Variants in NUP35 observed in about 807,000 individuals in gnomAD.
The protein encoded by NUP35 is nucleoporin NUP35.
A neutral mutation model predicts 41.5 loss-of-function variants in NUP35; 25 were observed. The ratio of observed to expected loss-of-function variants is 0.60; its 90% CI spans 0.44 to 0.84. NUP35 has a LOEUF of 0.84. Among genes scored for constraint, NUP35 ranks in the 40% least tolerant of loss-of-function variants. The pLI is 0.00. For synonymous variants in NUP35, 149 were observed against 130.7 expected, an observed-to-expected ratio of 1.14 and a Z score of -0.96; for missense variants, 396 against 396.6, an observed-to-expected ratio of 1.00 and a Z score of 0.01.
intron 1 of NUP35, among the ~76,000 whole-genome samples, chr2:183,126,007 T>C (rs1312282345): frequency 6.6e-6 from 1 of 152,174 alleles, no homozygotes; most frequent in African/African-American, 2.4e-5. Context: ...TCTGGTGCTT[T>C]CTTTTTTCTT....
At chr2:183,124,889 G>A (rs1364974085) in intron 1 of NUP35, among the ~76,000 whole-genome samples, 2 of 152,206 alleles carry the variant, frequency 1.3e-5, no homozygotes, top group African/African-American at 4.8e-5. Flanking sequence ...ACTGACCGCG[G>A]TACACGTGGG....
At chr2:183,157,793 A>G (rs1379624647) in intron 6 of NUP35, among the ~76,000 whole-genome samples, 1 of 152,128 alleles carries the variant, frequency 6.6e-6, no homozygotes, top group African/African-American at 2.4e-5. Flanking sequence ...AGATTATGCC[A>G]AGTATTATAT....
intron 4 of NUP35, among the ~76,000 whole-genome samples, chr2:183,144,247 A>C (rs760781654): frequency 1.3e-5 from 2 of 152,196 alleles, no homozygotes; most frequent in African/African-American, 2.4e-5. Flanking sequence ...ATATACATGG[A>C]GTACTACCAA....
At chr2:183,145,253 C>T (rs992377392) in intron 4 of NUP35, among the ~76,000 whole-genome samples, 3 of 152,152 alleles carry the variant, frequency 2.0e-5, no homozygotes, top group Admixed American at 6.5e-5. Flanking sequence ...CTAAATCAGA[C>T]TTATTTTAGA....
At chr2:183,130,201 TGGGAGCTTATTAGAACTGTA>T (rs1207749301) in intron 2 of NUP35, among the ~76,000 whole-genome samples, 197 bp from the exon 3 acceptor site, 5 of 152,176 alleles carry the variant, frequency 3.3e-5, no homozygotes, top group Non-Finnish European at 7.4e-5. Context: ...TGGCATTACC[TGGGAGCTTATTAGAACTGTA>T]TAATCTCAGG....
At chr2:183,143,113 G>C (rs1685157655) in intron 4 of NUP35, among the ~76,000 whole-genome samples, 1 of 146,840 alleles carries the variant, frequency 6.8e-6, no homozygotes, top group Non-Finnish European at 1.5e-5. Context: ...CTGAGATCGA[G>C]CCACTGCACT....
chr2:183,147,499 G>C lies in NUP35; in HGVS notation c.398-4009G>C, dbSNP rs1325734531. On this transcript the variant is annotated intron_variant, in intron 4 of 8. Coordinates refer to ENST00000295119, the MANE Select transcript of NUP35 (RefSeq NM_138285.5). Reference sequence around the variant, plus strand: ...TGTCAAAGATCCATTGTTTGTAGGTGTGTGACTTTGTTTCTGGGTTCTCCA... The same window carrying C: ...TGTCAAAGATCCATTGTTTGTAGGTCTGTGACTTTGTTTCTGGGTTCTCCA... Among the ~76,000 whole-genome samples, 4 of 152,138 alleles carry C rather than the reference G, an allele frequency of 2.6e-5. No individual in the cohort carries two copies. In the South Asian group the frequency reaches 8.3e-4, roughly 31 times the overall value.
intron 2 of NUP35, 94 bp from the exon 3 acceptor site, chr2:183,130,324 C>A: frequency 7.7e-7 from 1 of 1,301,280 alleles, no homozygotes; most frequent in Non-Finnish European, 1.0e-6. Flanking sequence ...AACTAACAGA[C>A]AAGATTTTAA....
rs763470790 is a variant in NUP35, at chr2:183,151,557, A to G, written c.447A>G (p.Thr149=). The G allele has an allele frequency of 6.2e-7, 1 of 1,614,064 alleles. No individual in the cohort carries two copies. The highest frequency in any genetic ancestry group is 8.5e-7 in the Non-Finnish European group (1 of 1,179,908). ...PASIGQPRKT[T]LSPAQLDPFY... is the part of the protein sequence containing the mutation. ...GTATCGGTCAGCCACGAAAGACGAC[A>G]TTATCTCCTGCCCAGTTGGATCCTT... The change falls in exon 5 of 9, where the codon ACA becomes ACG. Residue 149 remains threonine, a synonymous_variant. Transcript: ENST00000295119.
chr2:183,161,081 A>G lies in NUP35; in HGVS notation c.931A>G (p.Lys311Glu). ...QVISDRQTPK[K>E]DESLVSKAME... ...TATTTCTGACAGACAAACGCCAAAA[A>G]AAGATGAAAGTCTTGTATCCAAAGC... The change falls in exon 9 of 9, where the codon AAA becomes GAA. Residue 311 changes from lysine to glutamate, a missense_variant. Coordinates refer to ENST00000295119, the MANE Select transcript of NUP35 (RefSeq NM_138285.5). The G allele has an allele frequency of 6.2e-7, 1 of 1,613,644 alleles. No homozygotes were observed. Among genetic ancestry groups the G allele is most frequent in the Non-Finnish European group, 8.5e-7 (1 of 1,179,716 alleles).
chr2:183,136,370 C>T (rs1269064107), intron 4 of NUP35, among the ~76,000 whole-genome samples: 1 of 152,172 alleles, frequency 6.6e-6, no homozygotes, highest in Non-Finnish European at 1.5e-5. Flanking sequence ...GGCTGTGTTT[C>T]TGTCTGGAGG....
chr2:183,128,202 T>G, intron 1 of NUP35, 85 bp from the exon 2 acceptor site: 2 of 1,129,258 alleles, frequency 1.8e-6, no homozygotes, highest in Non-Finnish European at 2.4e-6. Flanking sequence ...TGCAAAATTA[T>G]GTTAGATTCT....
intron 5 of NUP35, among the ~76,000 whole-genome samples, chr2:183,157,111 A>C (rs1422361793): frequency 1.3e-5 from 2 of 152,250 alleles, no homozygotes; most frequent in Non-Finnish European, 2.9e-5. Context: ...TAACATACAC[A>C]TATTGAAATA....
intron 4 of NUP35, among the ~76,000 whole-genome samples, chr2:183,145,438 A>G (rs1173177542): frequency 6.6e-5 from 10 of 152,118 alleles, no homozygotes; most frequent in Non-Finnish European, 1.5e-4. Flanking sequence ...TGGATTTTGT[A>G]TTTACAGATT....
chr2:183,143,654 G>A lies in NUP35; in HGVS notation c.398-7854G>A, dbSNP rs553529911. Among the ~76,000 whole-genome samples, 26 of 152,292 alleles carry A rather than the reference G, an allele frequency of 1.7e-4. 1 individual carries two copies. In the South Asian group the frequency reaches 5.2e-3, roughly 30 times the overall value. ...GGTCTTTTGAGGGTGGATTGGGAAAGTGAGAGTTATCTAGCTGCCTGGGAT... is the reference window on the plus strand; with the variant it reads ...GGTCTTTTGAGGGTGGATTGGGAAAATGAGAGTTATCTAGCTGCCTGGGAT... On this transcript the variant is annotated intron_variant, in intron 4 of 8. Coordinates refer to ENST00000295119, the MANE Select transcript of NUP35 (RefSeq NM_138285.5).
In NUP35 at chr2:183,161,083, A is replaced by G. The variant is rs2105628876; in HGVS notation, c.933A>G (p.Lys311=). ...QVISDRQTPK[K]DESLVSKAME... ...TTTCTGACAGACAAACGCCAAAAAAAGATGAAAGTCTTGTATCCAAAGCAA... is the reference window on the plus strand; with the variant it reads ...TTTCTGACAGACAAACGCCAAAAAAGGATGAAAGTCTTGTATCCAAAGCAA... Residue 311 remains lysine (K), a synonymous_variant, in exon 9 of 9, where the codon AAA becomes AAG. Transcript: ENST00000295119. 1.2e-6 allele frequency: 2 copies of G among 1,613,566 alleles called. No homozygotes were observed. Among genetic ancestry groups the G allele is most frequent in the East Asian group, 4.5e-5 (2 of 44,830 alleles).
chr2:183,131,932 G>A (rs1027232806), intron 3 of NUP35, among the ~76,000 whole-genome samples: 1 of 152,126 alleles, frequency 6.6e-6, no homozygotes, highest in Non-Finnish European at 1.5e-5. Flanking sequence ...GATTAGTTTG[G>A]TATGAAGGCT....
At chr2:183,137,412 C>T (rs1480134053) in intron 4 of NUP35, among the ~76,000 whole-genome samples, 1 of 151,992 alleles carries the variant, frequency 6.6e-6, no homozygotes, top group East Asian at 1.9e-4. Flanking sequence ...AGATGCCTGT[C>T]TGTACAAAAA....
At chr2:183,148,226 A>AT (rs1685346382) in intron 4 of NUP35, among the ~76,000 whole-genome samples, 1 of 152,270 alleles carries the variant, frequency 6.6e-6, no homozygotes, top group South Asian at 2.1e-4. Context: ...CCCTTAGTTG[A>AT]TTCCATATCT....
Sources: allele counts gnomAD v4.1 joint callset (sites outside exome capture counted in the v4.1 genomes callset), GRCh38; gene constraint gnomAD v4.1.1; transcripts MANE v1.5; gene names NCBI Gene and HGNC (gene_info 2026-07-23, HGNC 2026-07-21).